The following TADA2A variants were observed in gnomAD, a reference collection of about 807,000 sequenced individuals.
The protein encoded by TADA2A is transcriptional adapter 2-alpha.
Under a neutral mutation model 67.4 loss-of-function variants are expected in TADA2A, and 38 were observed. The ratio of observed to expected loss-of-function variants is 0.56; its 90% CI spans 0.44 to 0.74. TADA2A has a LOEUF of 0.74. Ranked by LOEUF, TADA2A falls within the 30% of genes least tolerant of loss-of-function variation. The pLI is 0.00. For synonymous variants in TADA2A, 192 were observed against 181.6 expected, an observed-to-expected ratio of 1.06 and a Z score of -0.46; for missense variants, 454 against 547.0, an observed-to-expected ratio of 0.83 and a Z score of 1.70.
rs1366355230 is a variant in TADA2A at position 37,422,191 on chromosome 17, G to A, written c.26-1318G>A. 2.1e-5 allele frequency among the ~76,000 whole-genome samples: 3 copies of A among 145,304 alleles called. No individual in the cohort carries two copies. In the East Asian group the frequency reaches 6.6e-4, roughly 32 times the overall value. Reference sequence around the variant, plus strand: ...CTCCTGAGTAGCTGGGATTACAGGTGTGCACCACCACACCTGGCTAATTTT... The same window carrying A: ...CTCCTGAGTAGCTGGGATTACAGGTATGCACCACCACACCTGGCTAATTTT... On this transcript the variant is annotated intron_variant, in intron 2 of 15. Coordinates refer to ENST00000615182, the MANE Select transcript of TADA2A (RefSeq NM_001166105.3).
chr17:37,415,748 C>T (rs899502283), intron 2 of TADA2A, among the ~76,000 whole-genome samples: 11 of 151,808 alleles, frequency 7.2e-5, no homozygotes, highest in African/African-American at 2.7e-4. Context: ...GTGGTACGTG[C>T]CTGTAATCCC....
At chr17:37,421,032 A>G (rs2052216082) in intron 2 of TADA2A, among the ~76,000 whole-genome samples, 2 of 146,686 alleles carry the variant, frequency 1.4e-5, no homozygotes, top group Admixed American at 1.4e-4. Flanking sequence ...TACCACTGTC[A>G]TTGGAGTAGA....
rs552053066 is a variant in TADA2A, at chr17:37,410,967, C to T, written c.-97-302C>T. On this transcript the variant is annotated intron_variant, in intron 1 of 15. Coordinates refer to ENST00000615182, the MANE Select transcript of TADA2A (RefSeq NM_001166105.3). ...CATTTGCCCCTGCCACCCTCAGTGC[C>T]CCATAGACCCAGATCCTTCCTCATA... Among the ~76,000 whole-genome samples, 5 of 152,202 alleles carry T rather than the reference C, an allele frequency of 3.3e-5. No homozygotes were observed. The South Asian group carries it at 1.0e-3, about 32-fold the overall frequency.
intron 1 of TADA2A, among the ~76,000 whole-genome samples, chr17:37,410,192 CA>C (rs987675673): frequency 3.5e-5 from 5 of 144,460 alleles, no homozygotes; most frequent in Admixed American, 1.4e-4. Context: ...ACTGTGTCTC[CA>C]AAAAAAAAAG....
At chr17:37,450,549 G>A (rs554881649) in intron 8 of TADA2A, 4 of 152,338 alleles carry the variant, frequency 2.6e-5, no homozygotes, top group Middle Eastern at 3.4e-3. Flanking sequence ...AAGGCTAGCC[G>A]TTTGGAAACT....
At chr17:37,426,840 G>A (rs2052425140) in intron 3 of TADA2A, 110 bp from the exon 4 acceptor site, 2 of 973,684 alleles carry the variant, frequency 2.1e-6, no homozygotes, top group Non-Finnish European at 3.0e-6. Context: ...ACGAGACCCT[G>A]TCTCCAAAAA....
chr17:37,471,824 A>G (rs965258283), intron 14 of TADA2A, among the ~76,000 whole-genome samples: 2 of 152,060 alleles, frequency 1.3e-5, no homozygotes, highest in Non-Finnish European at 1.5e-5. Context: ...TTATTTTTAT[A>G]TAACATGAGC....
At position 37,477,963 on chromosome 17, in the gene TADA2A, C is replaced by A. The variant is rs2053922858; in HGVS notation, c.*981C>A. The A allele has an allele frequency of 6.6e-6, 1 of 151,750 alleles. No individual in the cohort carries two copies. The highest frequency in any genetic ancestry group is 2.1e-4 in the South Asian group (1 of 4,798). The allele number at this position is 151,750 out of a possible 1,614,324, so 9.4% of individuals were successfully genotyped here. On this transcript the variant is annotated 3_prime_UTR_variant, in exon 16 of 16. Transcript: ENST00000615182. ...GGTGAAACAGTCTCTACTAAAAATACAAAAATTAGCTGAGTGTGGTGGCAC... is the reference window on the plus strand; with the variant it reads ...GGTGAAACAGTCTCTACTAAAAATAAAAAAATTAGCTGAGTGTGGTGGCAC...
chr17:37,459,166 G>T (rs2053481845), intron 9 of TADA2A, among the ~76,000 whole-genome samples: 1 of 151,382 alleles, frequency 6.6e-6, no homozygotes, highest in African/African-American at 2.4e-5. Flanking sequence ...GATGAACAAT[G>T]AATAATATGG....
intron 2 of TADA2A, among the ~76,000 whole-genome samples, chr17:37,413,772 T>C (rs555604912): frequency 1.7e-4 from 26 of 151,874 alleles, no homozygotes; most frequent in Admixed American, 7.9e-4. Context: ...CCAAATCTAG[T>C]GCTCTCTCCA....
At chr17:37,449,882 T>G (rs978151742) in intron 8 of TADA2A, among the ~76,000 whole-genome samples, 2 of 152,180 alleles carry the variant, frequency 1.3e-5, no homozygotes, top group Non-Finnish European at 2.9e-5. Context: ...GGTTTCACAT[T>G]TGTTATCTTC....
chr17:37,471,172 G>A (rs758163317), intron 14 of TADA2A, 35 bp downstream of exon 14: 2 of 1,610,008 alleles, frequency 1.2e-6, no homozygotes, highest in Admixed American at 3.3e-5. Context: ...AGTCTTAATT[G>A]TGAAGTTTGC....
chr17:37,446,416 C>A lies in TADA2A; in HGVS notation c.604+1648C>A, dbSNP rs973168527. Among the ~76,000 whole-genome samples the A allele has an allele frequency of 5.3e-5, 8 of 151,944 alleles. No homozygotes were observed. The East Asian group carries it at 5.8e-4, about 11-fold the overall frequency. ...CTTTCTTATAGAATGCCAGACTACTCTGCACAAAAGGGGCAGCTTCATAAA... is the reference window on the plus strand; with the variant it reads ...CTTTCTTATAGAATGCCAGACTACTATGCACAAAAGGGGCAGCTTCATAAA... On this transcript the variant is annotated intron_variant, in intron 8 of 15. Coordinates refer to ENST00000615182, the MANE Select transcript of TADA2A (RefSeq NM_001166105.3).
chr17:37,477,925 G>T lies in TADA2A; in HGVS notation c.*943G>T, dbSNP rs2053922184. ...TCACGAAGTCAGGAGTTCAAGACCA[G>T]CCTGACCAACATGGTGAAACAGTCT... On this transcript the variant is annotated 3_prime_UTR_variant, in exon 16 of 16. Transcript: ENST00000615182. The T allele has an allele frequency of 6.6e-6, 1 of 151,932 alleles. No individual in the cohort carries two copies. The highest frequency in any genetic ancestry group is 2.1e-4 in the South Asian group (1 of 4,824). 9.4% of individuals were successfully genotyped at this position (151,932 alleles called of 1,614,324 possible). A position where few individuals can be genotyped will look rare whatever the true frequency, so the allele number is the denominator to read the frequency against.
chr17:37,410,284 C>A (rs1031321713), intron 1 of TADA2A, among the ~76,000 whole-genome samples: 2 of 151,796 alleles, frequency 1.3e-5, no homozygotes, highest in Admixed American at 1.3e-4. Flanking sequence ...CCAAGCGTTC[C>A]ACCTCATCCT....
At chr17:37,475,047 C>A (rs2148053588) in intron 15 of TADA2A, among the ~76,000 whole-genome samples, 1 of 152,210 alleles carries the variant, frequency 6.6e-6, no homozygotes, top group Admixed American at 6.5e-5. Flanking sequence ...ACAACATAAT[C>A]ATTATTTAAA....
At chr17:37,430,617 G>T (rs988237138) in intron 4 of TADA2A, among the ~76,000 whole-genome samples, 6 of 152,124 alleles carry the variant, frequency 3.9e-5, no homozygotes, top group African/African-American at 1.4e-4. Context: ...CATAAGAACT[G>T]CCTGGGAGCT....
intron 8 of TADA2A, chr17:37,454,636 C>A (rs762879001): frequency 9.0e-6 from 2 of 223,350 alleles, no homozygotes; most frequent in Non-Finnish European, 9.3e-6. Flanking sequence ...TAAACTGGTC[C>A]TCTACAGAAG....
At position 37,423,423 on chromosome 17, in the gene TADA2A, GTGGTCATT is replaced by G. The variant is rs2052305516; in HGVS notation, c.26-82_26-75del. 6.9e-6 allele frequency: 7 copies of G among 1,012,128 alleles called. No homozygotes were observed. In the East Asian group the frequency reaches 1.7e-4, roughly 25 times the overall value. 62.7% of individuals were successfully genotyped at this position (1,012,128 alleles called of 1,614,324 possible). A position where few individuals can be genotyped will look rare whatever the true frequency, so the allele number is the denominator to read the frequency against. ...CTTTTCAGCTTAGCTCACTACTTGTGTGGTCATTTGGGGATTTTCACCTTTTTGCACTT... is the reference window on the plus strand; with the variant it reads ...CTTTTCAGCTTAGCTCACTACTTGTGTGGGGATTTTCACCTTTTTGCACTT... On this transcript the variant is annotated intron_variant, in intron 2 of 15. Transcript: ENST00000615182.
Sources: gnomAD v4.1 joint callset for allele counts (sites outside exome capture counted in the v4.1 genomes callset) on GRCh38, gnomAD v4.1.1 for gene constraint, MANE v1.5 for transcripts, NCBI Gene and HGNC (gene_info 2026-07-23, HGNC 2026-07-21) for gene names.